Variants in PTPRM observed in about 807,000 individuals in gnomAD.
The protein encoded by PTPRM is receptor-type tyrosine-protein phosphatase mu.
In PTPRM, 47 loss-of-function variants were observed where a neutral mutation model predicts 186.7. The ratio of observed to expected loss-of-function variants is 0.25; its 90% CI spans 0.20 to 0.32. PTPRM has a LOEUF of 0.32. Ranked by LOEUF, PTPRM falls within the 10% of genes least tolerant of loss-of-function variation. The probability of loss-of-function intolerance (pLI) is 1.00; values close to 1 mark genes in which losing one functional copy is unlikely to be tolerated. For missense variants in PTPRM, 1,494 were observed against 1,865.0 expected, an observed-to-expected ratio of 0.80 and a Z score of 3.66; for synonymous variants, 668 against 674.9, an observed-to-expected ratio of 0.99 and a Z score of 0.16.
At chr18:7,838,529 G>C (rs1048718145) in intron 2 of PTPRM, among the ~76,000 whole-genome samples, 3 of 152,228 alleles carry the variant, frequency 2.0e-5, no homozygotes, top group African/African-American at 4.8e-5. Context: ...CAGAGTCTCT[G>C]TCTTTGTTCT....
chr18:8,174,038 T>C (rs11665298), intron 14 of PTPRM, among the ~76,000 whole-genome samples: 87,338 of 150,258 alleles, frequency 0.58, 26,079 homozygotes, highest in African/African-American at 0.69. Context: ...TGCACTCCAG[T>C]CTGAGCAACA....
At chr18:7,649,887 C>T (rs115080823) in intron 1 of PTPRM, among the ~76,000 whole-genome samples, 449 of 152,114 alleles carry the variant, frequency 3.0e-3, no homozygotes, top group Non-Finnish European at 4.9e-3. Flanking sequence ...GCTCAGATAA[C>T]GATTAGCATT....
At chr18:8,397,099 C>T (rs549575097) in intron 32 of PTPRM, among the ~76,000 whole-genome samples, 23 of 152,378 alleles carry the variant, frequency 1.5e-4, no homozygotes, top group Middle Eastern at 3.4e-3. Context: ...TACTTAGCCG[C>T]GTCTTCAGAG....
At chr18:7,641,923 G>A (rs554786825) in intron 1 of PTPRM, among the ~76,000 whole-genome samples, 11 of 152,264 alleles carry the variant, frequency 7.2e-5, no homozygotes, top group African/African-American at 2.4e-4. Flanking sequence ...GATCTAAGGC[G>A]AATCCAGGTC....
At chr18:7,982,660 C>T (rs185609487) in intron 7 of PTPRM, among the ~76,000 whole-genome samples, 5 of 152,150 alleles carry the variant, frequency 3.3e-5, no homozygotes, top group Middle Eastern at 3.4e-3. Flanking sequence ...ATGTGCTTGA[C>T]TTTTATATGA....
intron 31 of PTPRM, among the ~76,000 whole-genome samples, chr18:8,393,928 A>G: frequency 6.6e-6 from 1 of 152,076 alleles, no homozygotes; most frequent in Non-Finnish European, 1.5e-5. Context: ...AGCTGGGACT[A>G]CAAGCACCCG....
At chr18:7,785,660 C>T (rs1037503281) in intron 2 of PTPRM, among the ~76,000 whole-genome samples, 1 of 152,198 alleles carries the variant, frequency 6.6e-6, no homozygotes, top group Non-Finnish European at 1.5e-5. Flanking sequence ...AGGCAAAATG[C>T]TATTCCATCA....
chr18:7,727,963 C>G (rs1377372769), intron 1 of PTPRM, among the ~76,000 whole-genome samples: 1 of 152,154 alleles, frequency 6.6e-6, no homozygotes, highest in African/African-American at 2.4e-5. Flanking sequence ...AAGGGCATCA[C>G]AGTTTAAGGT....
intron 2 of PTPRM, among the ~76,000 whole-genome samples, chr18:7,878,713 C>A (rs2048357647): frequency 6.6e-6 from 1 of 152,134 alleles, no homozygotes; most frequent in Non-Finnish European, 1.5e-5. Flanking sequence ...CTCTGATCTG[C>A]AGACCATACT....
At chr18:7,805,208 T>A (rs1347830712) in intron 2 of PTPRM, among the ~76,000 whole-genome samples, 1 of 152,216 alleles carries the variant, frequency 6.6e-6, no homozygotes, top group Admixed American at 6.5e-5. Context: ...CTACTTCCAT[T>A]TCCAGCTTTG....
At chr18:7,629,497 G>GGGTA (rs1298384132) in intron 1 of PTPRM, among the ~76,000 whole-genome samples, 3 of 152,190 alleles carry the variant, frequency 2.0e-5, no homozygotes, top group African/African-American at 7.2e-5. Flanking sequence ...ACCTGTTGCT[G>GGGTA]GGTAGAGGGT....
intron 3 of PTPRM, among the ~76,000 whole-genome samples, chr18:7,898,279 A>G (rs1391919130): frequency 3.3e-5 from 5 of 152,216 alleles, no homozygotes; most frequent in Admixed American, 3.3e-4. Flanking sequence ...GGGAGAACCA[A>G]CGTTTAATCC....
At chr18:7,700,892 G>A (rs950707674) in intron 1 of PTPRM, among the ~76,000 whole-genome samples, 1 of 147,390 alleles carries the variant, frequency 6.8e-6, no homozygotes, top group Non-Finnish European at 1.5e-5. Context: ...TGTGAGAATT[G>A]CTTGAGCCCA....
rs958802827 is a variant in PTPRM, at chr18:8,063,148, T to A, written c.1133-6538T>A. Among the ~76,000 whole-genome samples the A allele has an allele frequency of 2.9e-3, 439 of 151,630 alleles. 2 individuals are homozygous for A. Among genetic ancestry groups the A allele is most frequent in the East Asian group, 0.01 (53 of 5,130 alleles). ...AGGACCCTCCGAGCCAGGTGTGGGA[T>A]ATAGTCTCGTGGTGCGCCGTTTTTT... On this transcript the variant is annotated intron_variant, in intron 7 of 32. Coordinates refer to ENST00000580170, the MANE Select transcript of PTPRM (RefSeq NM_001105244.2).
chr18:8,160,081 G>T (rs1488345119), intron 14 of PTPRM, among the ~76,000 whole-genome samples: 2 of 151,936 alleles, frequency 1.3e-5, no homozygotes, highest in South Asian at 2.1e-4. Flanking sequence ...AAAGAAAAAT[G>T]GGCTCATCAC....
intron 2 of PTPRM, among the ~76,000 whole-genome samples, chr18:7,795,509 G>C (rs1216145412): frequency 6.6e-6 from 1 of 151,528 alleles, no homozygotes; most frequent in Non-Finnish European, 1.5e-5. Context: ...ACCCAGAGAA[G>C]CCACTTTGAG....
intron 7 of PTPRM, among the ~76,000 whole-genome samples, chr18:8,015,141 A>G (rs1202549940): frequency 6.6e-6 from 1 of 152,114 alleles, no homozygotes; most frequent in Non-Finnish European, 1.5e-5. Context: ...TGTGACTACA[A>G]ATATCAGGGA....
intron 19 of PTPRM, among the ~76,000 whole-genome samples, chr18:8,289,635 CACAT>C (rs1275880514): frequency 6.9e-6 from 1 of 144,114 alleles, no homozygotes; most frequent in African/African-American, 2.6e-5. Context: ...TATATATACA[CACAT>C]ATATATATAG....
intron 14 of PTPRM, among the ~76,000 whole-genome samples, chr18:8,201,807 T>C (rs960413886): frequency 5.9e-5 from 9 of 152,144 alleles, no homozygotes; most frequent in Non-Finnish European, 1.3e-4. Context: ...TATAATCACA[T>C]TGAGGATAGG....
Sources: gnomAD v4.1 joint callset for allele counts (sites outside exome capture counted in the v4.1 genomes callset) on GRCh38, gnomAD v4.1.1 for gene constraint, MANE v1.5 for transcripts, NCBI Gene and HGNC (gene_info 2026-07-23, HGNC 2026-07-21) for gene names.